Variants in B4GALT6 observed in about 807,000 individuals in gnomAD.
The protein encoded by B4GALT6 is beta-1,4-galactosyltransferase 6.
In B4GALT6, 14 loss-of-function variants were observed where a neutral mutation model predicts 46.3. The ratio of observed to expected loss-of-function variants is 0.30; its 90% CI spans 0.20 to 0.47. The LOEUF is 0.47. Among genes scored for constraint, B4GALT6 ranks in the 20% least tolerant of loss-of-function variants. The probability of loss-of-function intolerance (pLI) is 0.99; values close to 1 mark genes in which losing one functional copy is unlikely to be tolerated. For missense variants in B4GALT6, 386 were observed against 480.1 expected, an observed-to-expected ratio of 0.80 and a Z score of 1.83; for synonymous variants, 168 against 162.0, an observed-to-expected ratio of 1.04 and a Z score of -0.28.
chr18:31,635,875 A>G (rs1330737030), intron 5 of B4GALT6, among the ~76,000 whole-genome samples: 2 of 152,220 alleles, frequency 1.3e-5, no homozygotes, highest in South Asian at 2.1e-4. Flanking sequence ...AGTATCTAAT[A>G]ATACAAGCCA....
intron 6 of B4GALT6, among the ~76,000 whole-genome samples, chr18:31,629,062 G>T (rs187904853): frequency 1.4e-4 from 21 of 152,036 alleles, no homozygotes; most frequent in Non-Finnish European, 4.4e-5. Context: ...CCACTTAATG[G>T]ACAGTAAATA....
chr18:31,641,983 T>C (rs1388576514), intron 4 of B4GALT6, among the ~76,000 whole-genome samples: 3 of 152,222 alleles, frequency 2.0e-5, no homozygotes, highest in Non-Finnish European at 4.4e-5. Flanking sequence ...TGAATCTAGT[T>C]ATCTGCCACT....
At chr18:31,631,200 CTTT>C (rs10657836) in intron 5 of B4GALT6, 54 bp from the exon 6 acceptor site, 45 of 1,148,284 alleles carry the variant, frequency 3.9e-5, no homozygotes, top group South Asian at 7.3e-5. Context: ...ACTTCATCAT[CTTT>C]TTTTTTTTTT....
the B4GALT6 span, among the ~76,000 whole-genome samples, chr18:31,695,755 T>C: frequency 6.6e-6 from 1 of 152,354 alleles, no homozygotes; most frequent in African/African-American, 2.4e-5. Context: ...TGCAACTTCT[T>C]CCAACCAGGT....
At chr18:31,647,353 A>G (rs1318909439) in intron 3 of B4GALT6, among the ~76,000 whole-genome samples, 1 of 152,158 alleles carries the variant, frequency 6.6e-6, no homozygotes, top group African/African-American at 2.4e-5. Context: ...TCTCCAACGC[A>G]TATGTGCTGG....
At chr18:31,630,694 C>G (rs1170330869) in intron 6 of B4GALT6, among the ~76,000 whole-genome samples, 1 of 152,062 alleles carries the variant, frequency 6.6e-6, no homozygotes, top group African/African-American at 2.4e-5. Flanking sequence ...TGTGAGAACC[C>G]AAGTTTAAAT....
chr18:31,707,607 C>T, the B4GALT6 span, among the ~76,000 whole-genome samples: 11 of 152,122 alleles, frequency 7.2e-5, no homozygotes, highest in African/African-American at 2.4e-4. Context: ...AACATTTTTA[C>T]AGTGGTAAAT....
chr18:31,684,835 A>C, upstream of B4GALT6: 1 of 906,448 alleles, frequency 1.1e-6, no homozygotes, highest in Non-Finnish European at 1.3e-6. Context: ...GGGGCAGCTA[A>C]CTGCAGCACG....
intron 2 of B4GALT6, 31 bp from the exon 3 acceptor site, chr18:31,658,120 A>G (rs773208111): frequency 6.5e-7 from 1 of 1,539,590 alleles, no homozygotes; most frequent in East Asian, 2.2e-5. Flanking sequence ...TTACAAAAAA[A>G]AAAAAAAGGC....
rs2073693745 is a variant in B4GALT6, at chr18:31,626,159, T to C, written c.1001+124A>G. On this transcript the variant is annotated intron_variant, in intron 8 of 8. Coordinates refer to ENST00000306851, the MANE Select transcript of B4GALT6 (RefSeq NM_004775.5). ...TGTAAAGATTCCCTTCAGCAAAAAATACTTCCCTTCCATTATGAAAATTCC... is the reference window on the plus strand; with the variant it reads ...TGTAAAGATTCCCTTCAGCAAAAAACACTTCCCTTCCATTATGAAAATTCC... 5.4e-6 allele frequency: 3 copies of C among 552,748 alleles called. No individual in the cohort carries two copies. The East Asian group carries it at 8.9e-5, about 16-fold the overall frequency. The allele number at this position is 552,748 out of a possible 1,614,324, so 34.2% of individuals were successfully genotyped here. A position where few individuals can be genotyped will look rare whatever the true frequency, so the allele number is the denominator to read the frequency against.
At chr18:31,647,537 T>C (rs2074006029) in intron 3 of B4GALT6, among the ~76,000 whole-genome samples, 1 of 152,044 alleles carries the variant, frequency 6.6e-6, no homozygotes, top group Non-Finnish European at 1.5e-5. Context: ...TGCCCTTTGC[T>C]CTGAAATCCT....
At chr18:31,628,840 C>T (rs1056307213) in intron 6 of B4GALT6, among the ~76,000 whole-genome samples, 1 of 152,212 alleles carries the variant, frequency 6.6e-6, no homozygotes, top group Non-Finnish European at 1.5e-5. Context: ...ATACAGCTGA[C>T]GCTTGAACAA....
At chr18:31,702,182 A>G in the B4GALT6 span, among the ~76,000 whole-genome samples, 2 of 152,242 alleles carry the variant, frequency 1.3e-5, no homozygotes, top group East Asian at 3.8e-4. Flanking sequence ...TGTCAATGGT[A>G]GTATAGACTA....
chr18:31,644,937 T>A (rs1221588931), intron 4 of B4GALT6, among the ~76,000 whole-genome samples: 1 of 152,206 alleles, frequency 6.6e-6, no homozygotes, highest in Non-Finnish European at 1.5e-5. Flanking sequence ...AATCGGGATA[T>A]TAATATCCTC....
chr18:31,699,864 G>C, the B4GALT6 span, among the ~76,000 whole-genome samples: 1 of 152,064 alleles, frequency 6.6e-6, no homozygotes, highest in African/African-American at 2.4e-5. Context: ...TAAGTTTATT[G>C]GTTTCCCCAT....
intron 1 of B4GALT6, among the ~76,000 whole-genome samples, chr18:31,680,152 G>T (rs1180114284): frequency 6.6e-6 from 1 of 152,094 alleles, no homozygotes; most frequent in South Asian, 2.1e-4. Context: ...TCCTGAAATG[G>T]GCCATGCAGA....
chr18:31,686,438 C>T (rs987066908), upstream of B4GALT6: 1 of 152,186 alleles, frequency 6.6e-6, no homozygotes, highest in Non-Finnish European at 1.5e-5. Context: ...ATAATACCCC[C>T]TTGCAAGGCT....
At chr18:31,674,122 A>G (rs891605137) in intron 1 of B4GALT6, among the ~76,000 whole-genome samples, 1 of 152,250 alleles carries the variant, frequency 6.6e-6, no homozygotes, top group Non-Finnish European at 1.5e-5. Context: ...GTTTTAAGCC[A>G]ACATGTGGTA....
At chr18:31,663,625 A>G (rs1224189185) in intron 2 of B4GALT6, among the ~76,000 whole-genome samples, 1 of 152,252 alleles carries the variant, frequency 6.6e-6, no homozygotes, top group Non-Finnish European at 1.5e-5. Context: ...TTAAATTATA[A>G]ATGAGCCACT....
Sources: gnomAD v4.1 joint callset for allele counts (sites outside exome capture counted in the v4.1 genomes callset) on GRCh38, gnomAD v4.1.1 for gene constraint, MANE v1.5 for transcripts, NCBI Gene and HGNC (gene_info 2026-07-23, HGNC 2026-07-21) for gene names.